The following AKNAD1 variants were observed in gnomAD, a reference collection of about 807,000 sequenced individuals.
AKNAD1 encodes protein AKNAD1.
Under a neutral mutation model 90.8 loss-of-function variants are expected in AKNAD1, and 67 were observed. The ratio of observed to expected loss-of-function variants is 0.74; its 90% CI spans 0.61 to 0.90. The LOEUF is 0.90. Ranked by LOEUF, AKNAD1 falls within the 40% of genes least tolerant of loss-of-function variation. The pLI is 0.00. For missense variants in AKNAD1, 957 were observed against 975.4 expected (o/e 0.98, Z 0.25); for synonymous variants, 327 against 341.4 (o/e 0.96, Z 0.46).
upstream of AKNAD1, chr1:108,857,556 A>G (rs1035379451): frequency 1.3e-5 from 2 of 152,668 alleles, no homozygotes; most frequent in Non-Finnish European, 2.9e-5. Flanking sequence ...ACAGTTTTCC[A>G]TATTGACAGG....
chr1:108,844,397 T>TATATATATATATATATATATATAC (rs1557835399), intron 5 of AKNAD1, among the ~76,000 whole-genome samples: 1 of 147,628 alleles, frequency 6.8e-6, no homozygotes, highest in South Asian at 2.1e-4. Flanking sequence ...TATATATATA[T>TATATATATATATATATATATATAC]ACCAAAGCCA....
rs781701077 is a variant in AKNAD1 at position 108,849,112 on chromosome 1, TTTTA to T, written c.1034-56_1034-53del. 5.5e-6 allele frequency: 8 copies of T among 1,460,126 alleles called. No homozygotes were observed. In the South Asian group the frequency reaches 1.2e-4, roughly 21 times the overall value. The allele number at this position is 1,460,126 out of a possible 1,614,324, so 90.4% of individuals were successfully genotyped here. A position where few individuals can be genotyped will look rare whatever the true frequency, so the allele number is the denominator to read the frequency against. On this transcript the variant is annotated intron_variant, in intron 3 of 15. Coordinates refer to ENST00000370001, the MANE Select transcript of AKNAD1 (RefSeq NM_152763.5). ...TACCATTCATCTCAACTTATCACAG[TTTTA>T]TTAAGTACTGAAAACAGAAAGCTGT...
chr1:108,839,362 A>G (rs1664469276), intron 6 of AKNAD1, among the ~76,000 whole-genome samples: 1 of 152,030 alleles, frequency 6.6e-6, no homozygotes, highest in Non-Finnish European at 1.5e-5. Flanking sequence ...AGTCTCAGCT[A>G]CTTGGGAGGC....
In AKNAD1 at chr1:108,816,433, T is replaced by C. The variant is rs1278999102; in HGVS notation, c.2380-131A>G. 10 of 1,007,018 alleles carry C rather than the reference T, an allele frequency of 9.9e-6. No homozygotes were observed. The East Asian group carries it at 1.9e-4, about 19-fold the overall frequency. The allele number at this position is 1,007,018 out of a possible 1,614,324, so 62.4% of individuals were successfully genotyped here. The stretch of plus-strand genomic sequence containing the variant: ...TCCTGTTTTCCTCTTGGTCTATTTC[T>C]GTTTTTGAGGGTTGGTTTCCTAGGA... On this transcript the variant is annotated intron_variant, in intron 15 of 15. Transcript: ENST00000370001.
In AKNAD1 at chr1:108,830,731, A is replaced by G. The variant is rs1034909465; in HGVS notation, c.1747-81T>C. 4 of 1,412,372 alleles carry G rather than the reference A, an allele frequency of 2.8e-6. No individual in the cohort carries two copies. In the African/African-American group the frequency reaches 4.2e-5, roughly 15 times the overall value. 87.5% of individuals were successfully genotyped at this position (1,412,372 alleles called of 1,614,324 possible). On this transcript the variant is annotated intron_variant, in intron 9 of 15. Transcript: ENST00000370001. ...GCTGCACACGCACAGCCCAGCAAGC[A>G]GCTGAGGTCCGGCTGAACTTGCCAC...
chr1:108,834,395 A>C lies in AKNAD1; in HGVS notation c.1746+52T>G, dbSNP rs1664309135. The stretch of plus-strand genomic sequence containing the variant: ...ACATTCAGCAACACTGGTTTTAGTT[A>C]AAGAGCCAACAATGAGAAGAACCCA... On this transcript the variant is annotated intron_variant, in intron 9 of 15. Coordinates refer to ENST00000370001, the MANE Select transcript of AKNAD1 (RefSeq NM_152763.5). 6.2e-6 allele frequency: 9 copies of C among 1,460,718 alleles called. 1 individual carries two copies. In the South Asian group the frequency reaches 1.1e-4, roughly 18 times the overall value. The allele number at this position is 1,460,718 out of a possible 1,614,324, so 90.5% of individuals were successfully genotyped here.
At chr1:108,848,714 T>C (rs1664772362) in intron 5 of AKNAD1, 38 bp downstream of exon 5, 1 of 1,551,702 alleles carries the variant, frequency 6.4e-7, no homozygotes. Flanking sequence ...AGCCATATTC[T>C]CTAATCAAGA....
At chr1:108,847,275 C>T (rs1311375458) in intron 5 of AKNAD1, among the ~76,000 whole-genome samples, 1 of 151,916 alleles carries the variant, frequency 6.6e-6, no homozygotes, top group East Asian at 1.9e-4. Context: ...TGGTGAAACC[C>T]CGTCTCTACT....
intron 3 of AKNAD1, among the ~76,000 whole-genome samples, 165 bp downstream of exon 3, chr1:108,849,372 G>A (rs185969219): frequency 2.6e-5 from 4 of 152,086 alleles, no homozygotes; most frequent in South Asian, 2.1e-4. Flanking sequence ...CCAGCTACTC[G>A]GGAGGATGAG....
In AKNAD1 at chr1:108,832,361, C is replaced by T. The variant is rs536265790; in HGVS notation, c.1747-1711G>A. ...CAGCCTCCCTTCCAAGTAGCTGGGA[C>T]TACAGGAACACACCACCCCACCCAG... On this transcript the variant is annotated intron_variant, in intron 9 of 15. Coordinates refer to ENST00000370001, the MANE Select transcript of AKNAD1 (RefSeq NM_152763.5). Among the ~76,000 whole-genome samples, 688 of 151,978 alleles carry T rather than the reference C, an allele frequency of 4.5e-3. 5 individuals are homozygous for T. Among genetic ancestry groups the T allele is most frequent in the African/African-American group, 0.016 (645 of 41,448 alleles).
In AKNAD1 at chr1:108,834,917, G is replaced by A. The variant is rs999168985; in HGVS notation, c.1664+12C>T. On this transcript the variant is annotated intron_variant, in intron 8 of 15. Coordinates refer to ENST00000370001, the MANE Select transcript of AKNAD1 (RefSeq NM_152763.5). ...GTCCTGTGTCTGCTGGGGCTCCAGG[G>A]CTAGGACTCACGTCTGCGGGGCCAG... 1 of 1,526,190 alleles carries A rather than the reference G, an allele frequency of 6.6e-7. No individual in the cohort carries two copies. The highest frequency in any genetic ancestry group is 8.7e-7 in the Non-Finnish European group (1 of 1,145,662). The allele number at this position is 1,526,190 out of a possible 1,614,324, so 94.5% of individuals were successfully genotyped here.
At chr1:108,849,794 A>T (rs564274083) in intron 2 of AKNAD1, among the ~76,000 whole-genome samples, 1 of 152,300 alleles carries the variant, frequency 6.6e-6, no homozygotes, top group East Asian at 1.9e-4. Flanking sequence ...CTTTGGCAGG[A>T]AAATGGGGAT....
rs1047207202 is a variant in AKNAD1, at chr1:108,853,079, A to G, written c.-103-312T>C. Among the ~76,000 whole-genome samples the G allele has an allele frequency of 2.0e-5, 3 of 151,132 alleles. No homozygotes were observed. In the East Asian group the frequency reaches 5.8e-4, roughly 29 times the overall value. On this transcript the variant is annotated intron_variant, in intron 1 of 15. Transcript: ENST00000370001. Reference sequence around the variant, plus strand: ...CCTTAGGAGATAGTATTTGGAGTTTATTCTCCCAAAGTAGGAACTTGGGAT... The same window carrying G: ...CCTTAGGAGATAGTATTTGGAGTTTGTTCTCCCAAAGTAGGAACTTGGGAT...
chr1:108,827,154 A>T (rs1557827354), intron 11 of AKNAD1, 51 bp downstream of exon 11: 2 of 1,403,502 alleles, frequency 1.4e-6, no homozygotes, highest in South Asian at 1.2e-5. Flanking sequence ...AGCAGACCCC[A>T]TGGGGAGGGA....
At position 108,823,421 on chromosome 1, in the gene AKNAD1, C is replaced by A; in HGVS notation, c.2116G>T (p.Gly706Cys). ...GQNYSNHSKRGAFVQPHSLDE... is the reference protein window; with the variant it reads ...GQNYSNHSKRCAFVQPHSLDE... The stretch of plus-strand genomic sequence containing the variant: ...AAAGAATGGGGCTGGACAAAGGCAC[C>A]TCTTTTGCTATGATTTGAGTAATTC... Residue 706 changes from glycine (G) to cysteine (C), a missense_variant, in exon 13 of 16, where the codon GGT becomes TGT. Physicochemically the swap from Gly to Cys is radical, Grantham distance 159. Coordinates refer to ENST00000370001, the MANE Select transcript of AKNAD1 (RefSeq NM_152763.5). 2 of 1,614,142 alleles carry A rather than the reference C, an allele frequency of 1.2e-6. No homozygotes were observed. The highest frequency in any genetic ancestry group is 2.2e-5 in the South Asian group (2 of 91,084).
At chr1:108,844,966 G>A (rs577410437) in intron 5 of AKNAD1, among the ~76,000 whole-genome samples, 1 of 151,964 alleles carries the variant, frequency 6.6e-6, no homozygotes, top group African/African-American at 2.4e-5. Context: ...TTACAGGTGT[G>A]CACCACCATG....
At chr1:108,821,482 G>C (rs1663812064) in intron 13 of AKNAD1, among the ~76,000 whole-genome samples, 1 of 152,110 alleles carries the variant, frequency 6.6e-6, no homozygotes, top group Non-Finnish European at 1.5e-5. Context: ...GGTTTTATTA[G>C]CAGATAGAAA....
chr1:108,819,640 G>T (rs1301086456), intron 14 of AKNAD1, among the ~76,000 whole-genome samples: 1 of 151,514 alleles, frequency 6.6e-6, no homozygotes, highest in Non-Finnish European at 1.5e-5. Flanking sequence ...ACTTCACTGG[G>T]GGGCCAGACA....
intron 2 of AKNAD1, among the ~76,000 whole-genome samples, chr1:108,851,023 A>G (rs1009506624): frequency 2.6e-5 from 4 of 152,330 alleles, no homozygotes; most frequent in Admixed American, 6.5e-5. Context: ...TGGACTTAGC[A>G]TGAATAACTA....
Sources: gnomAD v4.1 joint callset for allele counts (sites outside exome capture counted in the v4.1 genomes callset) on GRCh38, gnomAD v4.1.1 for gene constraint, MANE v1.5 for transcripts, NCBI Gene and HGNC (gene_info 2026-07-23, HGNC 2026-07-21) for gene names.